Variants in ACTN4 observed in about 807,000 individuals in gnomAD.
The protein encoded by ACTN4 is alpha-actinin-4.
A neutral mutation model predicts 114.2 loss-of-function variants in ACTN4; 18 were observed. That is an observed-to-expected ratio of 0.16 (90% CI 0.11 to 0.23). ACTN4 has a LOEUF of 0.23. Among genes scored for constraint, ACTN4 ranks in the 10% least tolerant of loss-of-function variants. ACTN4 has a pLI of 1.00. For missense variants in ACTN4, 722 were observed against 1,262.9 expected, an observed-to-expected ratio of 0.57 and a Z score of 6.49; for synonymous variants, 515 against 506.3, an observed-to-expected ratio of 1.02 and a Z score of -0.23.
chr19:38,664,455 T>C (rs1447982092), intron 1 of ACTN4, among the ~76,000 whole-genome samples: 1 of 152,120 alleles, frequency 6.6e-6, no homozygotes, highest in African/African-American at 2.4e-5. Context: ...CAGATGTGTT[T>C]CTCCCCACTT....
chr19:38,655,009 C>G (rs541041879), intron 1 of ACTN4, among the ~76,000 whole-genome samples: 1 of 152,168 alleles, frequency 6.6e-6, no homozygotes, highest in African/African-American at 2.4e-5. Flanking sequence ...TTCTCTCCCC[C>G]TCCCCCAGGA....
At chr19:38,703,259 A>T (rs533370831) in intron 3 of ACTN4, among the ~76,000 whole-genome samples, 18 of 123,338 alleles carry the variant, frequency 1.5e-4, no homozygotes, top group Non-Finnish European at 2.2e-4. Context: ...TTTTTTTGAG[A>T]TGGAATCTCA....
At chr19:38,671,319 T>C (rs1322194232) in intron 1 of ACTN4, among the ~76,000 whole-genome samples, 1 of 152,220 alleles carries the variant, frequency 6.6e-6, no homozygotes, top group Non-Finnish European at 1.5e-5. Context: ...GTTTTTTTGT[T>C]TGTTTGTTTT....
intron 1 of ACTN4, among the ~76,000 whole-genome samples, chr19:38,652,796 GGTCTTAT>G (rs1431894571): frequency 1.3e-5 from 2 of 152,032 alleles, no homozygotes; most frequent in Non-Finnish European, 2.9e-5. Flanking sequence ...GTTAAAATGT[GGTCTTAT>G]GGCCGGGCGC....
In ACTN4 at chr19:38,717,307, G is replaced by A; in HGVS notation, c.1134G>A (p.Lys378=). The A allele has an allele frequency of 3.7e-6, 6 of 1,613,866 alleles. No individual in the cohort carries two copies. The highest frequency in any genetic ancestry group is 5.1e-6 in the Non-Finnish European group (6 of 1,179,886). Residue 378 remains lysine, a synonymous_variant, in exon 10 of 21, where the codon AAG becomes AAA. Coordinates refer to ENST00000252699, the MANE Select transcript of ACTN4 (RefSeq NM_004924.6). The surrounding 1 kb of genome is among the most constrained non-coding windows in gnomAD (Gnocchi z 4.0). ...CCGCCTTCATGCCCTCCGAGGGCAA[G>A]ATGGTCTCGGTGAGCACCAGGATTC... is the stretch of plus-strand genomic sequence containing the variant. ...NRPAFMPSEG[K]MVSDINNGWQ...
At chr19:38,671,154 A>G (rs1967115616) in intron 1 of ACTN4, among the ~76,000 whole-genome samples, 1 of 152,138 alleles carries the variant, frequency 6.6e-6, no homozygotes, top group Non-Finnish European at 1.5e-5. Flanking sequence ...AGTGGATGGT[A>G]GTAAAAAGGG....
intron 1 of ACTN4, among the ~76,000 whole-genome samples, chr19:38,680,948 A>G (rs1041267409): frequency 6.6e-6 from 1 of 151,958 alleles, no homozygotes; most frequent in Non-Finnish European, 1.5e-5. Context: ...CAACATGGTG[A>G]AACCCCGTCT....
chr19:38,704,533 C>T (rs1968389501), intron 3 of ACTN4, among the ~76,000 whole-genome samples: 1 of 152,244 alleles, frequency 6.6e-6, no homozygotes, highest in African/African-American at 2.4e-5. Context: ...GCCCGGGGTG[C>T]CCCCCTGTAG....
intron 8 of ACTN4, among the ~76,000 whole-genome samples, chr19:38,714,158 G>A (rs536001683): frequency 7.2e-4 from 109 of 152,106 alleles, no homozygotes; most frequent in Non-Finnish European, 4.9e-4. Flanking sequence ...CAACGCAGCC[G>A]ACCCGTCCAG....
At chr19:38,714,373 TC>T in intron 8 of ACTN4, 95 bp from the exon 9 acceptor site, 8 of 1,120,366 alleles carry the variant, frequency 7.1e-6, no homozygotes, top group Non-Finnish European at 8.0e-6. Flanking sequence ...TGTGAGGAGT[TC>T]CGTGGGCCAT....
chr19:38,727,844 C>A lies in ACTN4; in HGVS notation c.2338-102C>A, dbSNP rs1969293678. 9.2e-7 allele frequency: 1 copy of A among 1,089,668 alleles called. No homozygotes were observed. The highest frequency in any genetic ancestry group is 1.3e-5 in the South Asian group (1 of 74,432). The allele number at this position is 1,089,668 out of a possible 1,614,324, so 67.5% of individuals were successfully genotyped here. On this transcript the variant is annotated intron_variant, in intron 18 of 20. Transcript: ENST00000252699. This position sits in a 1 kb window ranked among gnomAD's most constrained non-coding sequence, Gnocchi z 5.4. ...TGCCTCTAACTCTGTGTTTCCCTCC[C>A]CTACGTGTCCCTTCCCCCTGCCCTC...
At chr19:38,672,771 C>T (rs1443979123) in intron 1 of ACTN4, among the ~76,000 whole-genome samples, 1 of 152,022 alleles carries the variant, frequency 6.6e-6, no homozygotes, top group Non-Finnish European at 1.5e-5. Flanking sequence ...CGGGGTTTCT[C>T]CATGTTGGTC....
intron 1 of ACTN4, among the ~76,000 whole-genome samples, chr19:38,672,262 A>T (rs1310805063): frequency 2.8e-5 from 3 of 108,478 alleles, no homozygotes; most frequent in African/African-American, 6.8e-5. Context: ...TTTTTTTGAG[A>T]CGGAGTCTTT....
rs1727136015 is a variant in ACTN4 at position 38,730,558 on chromosome 19, TCTC to T, written c.*1129_*1131del. 1 of 487,918 alleles carries T rather than the reference TCTC, an allele frequency of 2.0e-6. No homozygotes were observed. The allele number at this position is 487,918 out of a possible 1,614,324, so 30.2% of individuals were successfully genotyped here. A position where few individuals can be genotyped will look rare whatever the true frequency, so the allele number is the denominator to read the frequency against. On this transcript the variant is annotated 3_prime_UTR_variant, in exon 21 of 21. Coordinates refer to ENST00000252699, the MANE Select transcript of ACTN4 (RefSeq NM_004924.6). ...TCCTGCAGCATCATCTTTTTTTATTTCTCCTGTGTCTGTCCTCCACCTTCTAGG... is the reference window on the plus strand; with the variant it reads ...TCCTGCAGCATCATCTTTTTTTATTTCTGTGTCTGTCCTCCACCTTCTAGG...
At chr19:38,689,324 T>C (rs1361265063) in intron 1 of ACTN4, among the ~76,000 whole-genome samples, 1 of 152,150 alleles carries the variant, frequency 6.6e-6, no homozygotes, top group Non-Finnish European at 1.5e-5. Context: ...TCAAAGATCA[T>C]ATACCATATG....
chr19:38,693,377 C>T (rs1397047945), intron 1 of ACTN4: 1 of 152,628 alleles, frequency 6.6e-6, no homozygotes, highest in Non-Finnish European at 1.5e-5. Context: ...ACAGCCATTT[C>T]CCTCCACCCC....
At chr19:38,667,187 T>C (rs1966988761) in intron 1 of ACTN4, among the ~76,000 whole-genome samples, 1 of 152,200 alleles carries the variant, frequency 6.6e-6, no homozygotes, top group Non-Finnish European at 1.5e-5. Context: ...ACTAGTTTCC[T>C]GCCTTAAAGA....
chr19:38,685,427 T>A (rs1967711981), intron 1 of ACTN4, among the ~76,000 whole-genome samples: 1 of 152,202 alleles, frequency 6.6e-6, no homozygotes, highest in African/African-American at 2.4e-5. Context: ...CAGGGATTCA[T>A]TCACCCCCTC....
At chr19:38,659,065 C>CTTTTT (rs577141157) in intron 1 of ACTN4, among the ~76,000 whole-genome samples, 13 of 111,692 alleles carry the variant, frequency 1.2e-4, no homozygotes, top group South Asian at 3.0e-4. Context: ...CTTTTCTTTT[C>CTTTTT]TTTTTTTTTT....
Sources: allele counts gnomAD v4.1 joint callset (sites outside exome capture counted in the v4.1 genomes callset), GRCh38; gene constraint gnomAD v4.1.1; non-coding constraint Gnocchi (gnomAD v3.1); transcripts MANE v1.5; gene names NCBI Gene and HGNC (gene_info 2026-07-23, HGNC 2026-07-21).